The following FAM149A variants were observed in gnomAD, a reference collection of about 807,000 sequenced individuals.
FAM149A encodes protein FAM149A.
In FAM149A, 71 loss-of-function variants were observed where a neutral mutation model predicts 78.2. The observed-to-expected ratio is 0.91, with a 90% CI of 0.75 to 1.11. The LOEUF (loss-of-function observed/expected upper bound fraction) is 1.11, where lower values mean the gene tolerates loss of function less well. FAM149A is among the 50% of genes least tolerant of loss of function. The pLI, the probability that FAM149A is intolerant of heterozygous loss-of-function variation, is 0.00. For missense variants in FAM149A, 1,036 were observed against 971.0 expected (o/e 1.07, Z -0.89); for synonymous variants, 446 against 410.5 (o/e 1.09, Z -1.04).
At chr4:186,135,678 C>T (rs887530938) in intron 1 of FAM149A, among the ~76,000 whole-genome samples, 5 of 152,154 alleles carry the variant, frequency 3.3e-5, no homozygotes, top group Non-Finnish European at 7.3e-5. Flanking sequence ...ATTTCCTTCT[C>T]AAGGCACACC....
chr4:186,130,293 C>CTCTCTCTATATATATATATATA, intron 1 of FAM149A: 4 of 46,584 alleles, frequency 8.6e-5, no homozygotes, highest in African/African-American at 3.6e-4. Context: ...CTCTCTCTCT[C>CTCTCTCTATATATATATATATA]TATATATATA....
At chr4:186,159,575 G>C (rs1003093432) in intron 8 of FAM149A, among the ~76,000 whole-genome samples, 7 of 151,914 alleles carry the variant, frequency 4.6e-5, no homozygotes, top group African/African-American at 1.7e-4. Context: ...TAGCTTTTCT[G>C]AACTTTAGTG....
chr4:186,130,293 C>CTCTCTCTCTCTCTCTCTATATATATATA, intron 1 of FAM149A: 11 of 46,582 alleles, frequency 2.4e-4, no homozygotes, highest in African/African-American at 5.4e-4. Context: ...CTCTCTCTCT[C>CTCTCTCTCTCTCTCTCTATATATATATA]TATATATATA....
At chr4:186,153,146 C>G (rs1456561335) in intron 4 of FAM149A, 1 of 477,666 alleles carries the variant, frequency 2.1e-6, no homozygotes, top group Non-Finnish European at 2.7e-6. Context: ...AATTCGGGAG[C>G]TCACACTTAT....
chr4:186,167,482 A>G, intron 13 of FAM149A: 1 of 613,306 alleles, frequency 1.6e-6, no homozygotes, highest in East Asian at 3.2e-5. Context: ...GGAATGTCCA[A>G]AAGCTCTCAA....
intron 1 of FAM149A, chr4:186,125,968 GCTGGATGAC>G (rs2099318175): frequency 1.0e-6 from 1 of 985,356 alleles, no homozygotes; most frequent in Non-Finnish European, 1.2e-6. Context: ...CTGCCCGGAG[GCTGGATGAC>G]CTTCACAGGC....
intron 1 of FAM149A, among the ~76,000 whole-genome samples, chr4:186,136,966 C>CTCTT (rs2099323244): frequency 5.1e-5 from 4 of 78,670 alleles, no homozygotes; most frequent in Admixed American, 1.4e-4. Context: ...CTCTCTCTTT[C>CTCTT]TCTCTCTCTT....
intron 1 of FAM149A, chr4:186,109,370 C>T (rs1579757577): frequency 1.5e-6 from 1 of 684,468 alleles, no homozygotes; most frequent in South Asian, 6.5e-5. Context: ...GGAAACATTG[C>T]AGTGGCTGCT....
intron 7 of FAM149A, 152 bp from the exon 8 acceptor site, chr4:186,157,413 G>C: frequency 1.4e-6 from 1 of 720,006 alleles, no homozygotes; most frequent in Non-Finnish European, 2.3e-6. Context: ...TTGCTCCACA[G>C]GGGTCTCTGC....
At position 186,162,872 on chromosome 4, in the gene FAM149A, A is replaced by G; in HGVS notation, c.1603A>G (p.Ser535Gly). The change falls in exon 9 of 14, where the codon AGT (serine) becomes GGT (glycine). Residue 535 changes from serine to glycine, a missense_variant. Transcript: ENST00000389354. ...TCATCACTTCTCCAGCAGTTTTTATAGTGACATGAATGGTGTCATGACAAT... is the reference window on the plus strand; with the variant it reads ...TCATCACTTCTCCAGCAGTTTTTATGGTGACATGAATGGTGTCATGACAAT... The G allele has an allele frequency of 6.8e-7, 1 of 1,470,342 alleles. No homozygotes were observed. The highest frequency in any genetic ancestry group is 9.3e-7 in the Non-Finnish European group (1 of 1,077,052). 91.1% of individuals were successfully genotyped at this position (1,470,342 alleles called of 1,614,324 possible).
intron 1 of FAM149A, chr4:186,109,323 G>A: frequency 2.1e-6 from 1 of 471,908 alleles, no homozygotes; most frequent in South Asian, 9.4e-5. Flanking sequence ...TTTTTTTTTT[G>A]AGTGATTGAG....
At chr4:186,150,415 T>C (rs58566384) in intron 3 of FAM149A, among the ~76,000 whole-genome samples, 2 of 105,624 alleles carry the variant, frequency 1.9e-5, no homozygotes, top group Non-Finnish European at 1.9e-5. Flanking sequence ...CTCTGTCTCT[T>C]TTTTTTTTTT....
rs541376608 is a variant in FAM149A, at chr4:186,173,646, C to T, written c.*1659C>T. On this transcript the variant is annotated 3_prime_UTR_variant, in exon 14 of 14. Transcript: ENST00000389354. ...TGCTGGGATTATAGGCGTGAGCTTC[C>T]GCGCCTGGCCAGCTGACTCCATTTC... Among the ~76,000 whole-genome samples the T allele has an allele frequency of 1.0e-3, 116 of 111,300 alleles. 40 individuals carry two copies. The highest frequency in any genetic ancestry group is 4.3e-4 in the Non-Finnish European group (19 of 44,256). 73.0% of individuals were successfully genotyped at this position (111,300 alleles called of 152,430 possible). A position where few individuals can be genotyped will look rare whatever the true frequency, so the allele number is the denominator to read the frequency against.
chr4:186,165,320 C>T, intron 10 of FAM149A, 24 bp from the exon 11 acceptor site: 1 of 1,613,764 alleles, frequency 6.2e-7, no homozygotes, highest in South Asian at 1.1e-5. Flanking sequence ...CCTGGGTGCT[C>T]AGTGACATGA....
intron 1 of FAM149A, chr4:186,133,361 TTCCTC>T: frequency 4.8e-6 from 1 of 210,154 alleles, no homozygotes; most frequent in Non-Finnish European, 8.3e-6. Flanking sequence ...TCCCCGTTCC[TTCCTC>T]TCCTCAGCAC....
Position 186,144,884 on chromosome 4 carries a change from C to A in FAM149A, c.567-4289C>A. ...GAAGGGGCGTGCGAGCCCCGCGGAC[C>A]CCGGGCGCGCCCGGGCCGCCTGAGC... is the stretch of plus-strand genomic sequence containing the variant. On this transcript the variant is annotated intron_variant, in intron 1 of 13. Coordinates refer to ENST00000389354, the MANE Select transcript of FAM149A (RefSeq NM_001367768.3). The surrounding 1 kb of genome is among the most constrained non-coding windows in gnomAD (Gnocchi z 4.2). The A allele has an allele frequency of 1.0e-6, 1 of 973,094 alleles. No individual in the cohort carries two copies. Among genetic ancestry groups the A allele is most frequent in the Non-Finnish European group, 1.2e-6 (1 of 824,334 alleles). 60.3% of individuals were successfully genotyped at this position (973,094 alleles called of 1,614,324 possible).
At chr4:186,126,080 T>C in intron 1 of FAM149A, 2 of 985,418 alleles carry the variant, frequency 2.0e-6, no homozygotes, top group Non-Finnish European at 2.4e-6. Context: ...ATCTGGACGC[T>C]TGTTTCCAAT....
At chr4:186,122,027 A>G (rs1297998922) in intron 1 of FAM149A, among the ~76,000 whole-genome samples, 1 of 152,222 alleles carries the variant, frequency 6.6e-6, no homozygotes, top group Non-Finnish European at 1.5e-5. Context: ...CAGGGAGATC[A>G]GAATAGCCAA....
chr4:186,142,173 G>A (rs2099326073), intron 1 of FAM149A, among the ~76,000 whole-genome samples: 1 of 152,204 alleles, frequency 6.6e-6, no homozygotes, highest in South Asian at 2.1e-4. Context: ...GGCAGCAGGA[G>A]CCTGCTGGAA....
Sources: gnomAD v4.1 joint callset for allele counts (sites outside exome capture counted in the v4.1 genomes callset) on GRCh38, gnomAD v4.1.1 for gene constraint, Gnocchi (gnomAD v3.1) non-coding constraint, MANE v1.5 for transcripts, NCBI Gene and HGNC (gene_info 2026-07-23, HGNC 2026-07-21) for gene names.